The following CPT1A variants were observed in gnomAD, a reference collection of about 807,000 sequenced individuals.
The protein encoded by CPT1A is carnitine O-palmitoyltransferase 1, liver isoform.
CPT1A carries 64 observed loss-of-function variants against 100.8 expected under a neutral mutation model. That is an observed-to-expected ratio of 0.63 (90% CI 0.52 to 0.78). The LOEUF is 0.78. Among genes scored for constraint, CPT1A ranks in the 30% least tolerant of loss-of-function variants. CPT1A has a pLI of 0.00. For synonymous variants in CPT1A, 363 were observed against 396.0 expected, an observed-to-expected ratio of 0.92 and a Z score of 0.99; for missense variants, 802 against 1,034.1, an observed-to-expected ratio of 0.78 and a Z score of 3.08.
At chr11:68,828,503 TG>T (rs1359209700) in intron 1 of CPT1A, among the ~76,000 whole-genome samples, 2 of 152,194 alleles carry the variant, frequency 1.3e-5, no homozygotes, top group Non-Finnish European at 2.9e-5. Flanking sequence ...GGCACCCATG[TG>T]TTACAACTCC....
intron 14 of CPT1A, among the ~76,000 whole-genome samples, chr11:68,769,143 C>A (rs1181198002): frequency 6.6e-6 from 1 of 152,224 alleles, no homozygotes; most frequent in African/African-American, 2.4e-5. Flanking sequence ...CATTTACTCA[C>A]CAGCTCCCCG....
chr11:68,839,142 G>T (rs1478601406), intron 1 of CPT1A, among the ~76,000 whole-genome samples: 3 of 152,120 alleles, frequency 2.0e-5, no homozygotes, highest in Non-Finnish European at 4.4e-5. Context: ...TAATAACCAT[G>T]CAGAGTGACT....
At position 68,754,947 on chromosome 11, in the gene CPT1A, T is replaced by A; in HGVS notation, c.*2697A>T. 1 of 738,310 alleles carries A rather than the reference T, an allele frequency of 1.4e-6. No individual in the cohort carries two copies. The highest frequency in any genetic ancestry group is 2.6e-6 in the Non-Finnish European group (1 of 390,474). The allele number at this position is 738,310 out of a possible 1,614,324, so 45.7% of individuals were successfully genotyped here. A position where few individuals can be genotyped will look rare whatever the true frequency, so the allele number is the denominator to read the frequency against. ...TACATTCACACTGCATTTCTAAGATTTACATCCAAAGAGCATACTGTATTT... is the reference window on the plus strand; with the variant it reads ...TACATTCACACTGCATTTCTAAGATATACATCCAAAGAGCATACTGTATTT... On this transcript the variant is annotated 3_prime_UTR_variant, in exon 19 of 19. Transcript: ENST00000265641.
intron 9 of CPT1A, among the ~76,000 whole-genome samples, chr11:68,789,950 T>C (rs74447745): frequency 2.8e-4 from 43 of 152,340 alleles, no homozygotes; most frequent in African/African-American, 1.0e-3. Context: ...AATCTTTACA[T>C]GACAATATTT....
intron 4 of CPT1A, among the ~76,000 whole-genome samples, chr11:68,804,958 G>C (rs969298600): frequency 2.0e-5 from 3 of 152,204 alleles, no homozygotes; most frequent in African/African-American, 7.2e-5. Flanking sequence ...GGCAGTCCTT[G>C]GGCCCAGGCG....
chr11:68,823,070 C>T (rs1331025589), intron 1 of CPT1A, among the ~76,000 whole-genome samples: 3 of 151,836 alleles, frequency 2.0e-5, no homozygotes, highest in Admixed American at 6.6e-5. Context: ...GGCAACATGG[C>T]GAAACCCTGT....
At chr11:68,816,619 C>G (rs555254653) in intron 1 of CPT1A, among the ~76,000 whole-genome samples, 3 of 152,232 alleles carry the variant, frequency 2.0e-5, no homozygotes, top group African/African-American at 2.4e-5. Flanking sequence ...CCTGGACCCC[C>G]CGGGGTGGTG....
chr11:68,813,939 T>C (rs1856299528), intron 2 of CPT1A, among the ~76,000 whole-genome samples: 1 of 152,074 alleles, frequency 6.6e-6, no homozygotes, highest in African/African-American at 2.4e-5. Context: ...CTGTACTGGC[T>C]CCCAGGGGCT....
chr11:68,778,507 G>A (rs998765504), intron 12 of CPT1A, among the ~76,000 whole-genome samples: 1 of 152,050 alleles, frequency 6.6e-6, no homozygotes, highest in Non-Finnish European at 1.5e-5. Flanking sequence ...AGGCCAAGGC[G>A]GGTGGATCAC....
At chr11:68,792,962 TC>T (rs753816176) in intron 9 of CPT1A, among the ~76,000 whole-genome samples, 2 of 152,020 alleles carry the variant, frequency 1.3e-5, no homozygotes, top group African/African-American at 2.4e-5. Context: ...ATGGGAGGAT[TC>T]CTTGAGCTCA....
chr11:68,775,672 G>C (rs552374095), intron 12 of CPT1A, among the ~76,000 whole-genome samples: 1 of 152,296 alleles, frequency 6.6e-6, no homozygotes, highest in East Asian at 1.9e-4. Flanking sequence ...CCTTTCACTG[G>C]CAAGTAAACC....
intron 15 of CPT1A, among the ~76,000 whole-genome samples, chr11:68,761,998 C>T (rs573516784): frequency 6.6e-6 from 1 of 152,274 alleles, no homozygotes; most frequent in African/African-American, 2.4e-5. Flanking sequence ...CACCTGCACG[C>T]TCTGGGGATC....
chr11:68,835,643 C>T (rs191906660), intron 1 of CPT1A, among the ~76,000 whole-genome samples: 1 of 152,334 alleles, frequency 6.6e-6, no homozygotes, highest in African/African-American at 2.4e-5. Flanking sequence ...CACCACCTTA[C>T]AGATGAGGAA....
chr11:68,774,975 A>T (rs1855104922), intron 13 of CPT1A, among the ~76,000 whole-genome samples: 1 of 152,134 alleles, frequency 6.6e-6, no homozygotes. Flanking sequence ...TAAATGAGCA[A>T]TTTAGAGGCT....
chr11:68,842,447 A>C (rs1857181269), upstream of CPT1A, among the ~76,000 whole-genome samples: 2 of 152,024 alleles, frequency 1.3e-5, no homozygotes, highest in Non-Finnish European at 2.9e-5. Flanking sequence ...TCTAAAAAAA[A>C]AAGCGCGGGG....
At chr11:68,830,594 G>A (rs191645830) in intron 1 of CPT1A, among the ~76,000 whole-genome samples, 10 of 152,292 alleles carry the variant, frequency 6.6e-5, no homozygotes, top group African/African-American at 1.7e-4. Context: ...CCGCTGTCCC[G>A]TCTCCAGCTC....
At position 68,803,514 on chromosome 11, in the gene CPT1A, C is replaced by T. The variant is rs184547097; in HGVS notation, c.555+486G>A. Among the ~76,000 whole-genome samples, 30 of 152,052 alleles carry T rather than the reference C, an allele frequency of 2.0e-4. No homozygotes were observed. In the East Asian group the frequency reaches 4.2e-3, roughly 22 times the overall value. On this transcript the variant is annotated intron_variant, in intron 5 of 18. Transcript: ENST00000265641. ...TCACTTGAGGTCAGGAGTTCGAGAC[C>T]AGCCTGGCCAACATGGTGAAACCCT...
At chr11:68,840,255 C>T (rs1440662426) in intron 1 of CPT1A, among the ~76,000 whole-genome samples, 3 of 152,178 alleles carry the variant, frequency 2.0e-5, no homozygotes, top group Non-Finnish European at 4.4e-5. Context: ...TTGCTACGTT[C>T]ACTCGGTCAG....
In CPT1A at chr11:68,812,515, CCCA is replaced by C. The variant is rs1555232255; in HGVS notation, c.200_202del (p.Val67del). The C allele has an allele frequency of 6.2e-7, 1 of 1,614,186 alleles. No individual in the cohort carries two copies. Among genetic ancestry groups the C allele is most frequent in the Non-Finnish European group, 8.5e-7 (1 of 1,180,022 alleles). ...CTTGGCGTACATCGTTGTCATCACG[CCCA>C]CCACCACGATAAGCCAACTGGAGGG... is the stretch of plus-strand genomic sequence containing the variant. On this transcript the variant is annotated inframe_deletion, in exon 3 of 19. Transcript: ENST00000265641.
Sources: allele counts gnomAD v4.1 joint callset (sites outside exome capture counted in the v4.1 genomes callset), GRCh38; gene constraint gnomAD v4.1.1; transcripts MANE v1.5; gene names NCBI Gene and HGNC (gene_info 2026-07-23, HGNC 2026-07-21).